Variants in PDE10A observed in about 807,000 individuals in gnomAD.
The protein encoded by PDE10A is cAMP and cAMP-inhibited cGMP 3',5'-cyclic phosphodiesterase 10A.
PDE10A carries 39 observed loss-of-function variants against 97.7 expected under a neutral mutation model. That is an observed-to-expected ratio of 0.40 (90% CI 0.31 to 0.52). The LOEUF (loss-of-function observed/expected upper bound fraction) is 0.52, where lower values mean the gene tolerates loss of function less well. Ranked by LOEUF, PDE10A falls within the 20% of genes least tolerant of loss-of-function variation. PDE10A has a pLI of 0.56. For synonymous variants in PDE10A, 371 were observed against 376.8 expected (o/e 0.98, Z 0.18); for missense variants, 731 against 1,047.8 (o/e 0.70, Z 4.17).
intron 2 of PDE10A, among the ~76,000 whole-genome samples, chr6:165,514,170 A>G (rs73786619): frequency 0.016 from 2,401 of 152,274 alleles, 60 homozygotes; most frequent in African/African-American, 0.055. Flanking sequence ...TATTTTTTAC[A>G]TATTACATTG....
At chr6:165,908,562 G>A (rs1174165536) in intron 1 of PDE10A, among the ~76,000 whole-genome samples, 4 of 152,212 alleles carry the variant, frequency 2.6e-5, no homozygotes, top group Non-Finnish European at 4.4e-5. Context: ...TGCACGGGCT[G>A]CATGCGATAA....
intron 18 of PDE10A, among the ~76,000 whole-genome samples, chr6:165,375,981 C>G (rs963761105): frequency 1.3e-5 from 2 of 152,196 alleles, no homozygotes; most frequent in African/African-American, 4.8e-5. Flanking sequence ...CCAAGTCACT[C>G]AAGAGCTCTG....
At chr6:165,777,751 A>AAC (rs1385669269) in intron 1 of PDE10A, among the ~76,000 whole-genome samples, 1 of 152,186 alleles carries the variant, frequency 6.6e-6, no homozygotes, top group African/African-American at 2.4e-5. Flanking sequence ...ATCTACATCT[A>AAC]ACACACAGAG....
intron 15 of PDE10A, 40 bp downstream of exon 15, chr6:165,395,141 A>T (rs491522): frequency 7.9e-7 from 1 of 1,273,716 alleles, no homozygotes; most frequent in Admixed American, 1.7e-5. Context: ...AGGTTATGTC[A>T]CCCAATATTT....
At chr6:165,588,212 GA>G (rs773434046) in intron 1 of PDE10A, among the ~76,000 whole-genome samples, 1 of 147,802 alleles carries the variant, frequency 6.8e-6, no homozygotes, top group Non-Finnish European at 1.5e-5. Context: ...CTTAATATTA[GA>G]AAAAAATTAT....
At position 165,428,676 on chromosome 6, in the gene PDE10A, A is replaced by T; in HGVS notation, c.1635T>A (p.Ser545=). ...TYFDNIVAID[S]LLEHIMIYAK... ...AACCTACCATTATGTGTTCAAGTAG[A>T]GAATCTATTGCAACTATGTTATCAA... Residue 545 remains serine (S), a synonymous_variant, in exon 10 of 22, where the codon TCT becomes TCA. Coordinates refer to ENST00000539869, the MANE Select transcript of PDE10A (RefSeq NM_001385079.1). The T allele has an allele frequency of 7.3e-7, 1 of 1,363,990 alleles. No individual in the cohort carries two copies. The allele number at this position is 1,363,990 out of a possible 1,614,324, so 84.5% of individuals were successfully genotyped here. A position where few individuals can be genotyped will look rare whatever the true frequency, so the allele number is the denominator to read the frequency against.
chr6:165,691,569 A>G (rs1317884271), intron 1 of PDE10A, among the ~76,000 whole-genome samples: 1 of 138,716 alleles, frequency 7.2e-6, no homozygotes, highest in African/African-American at 2.7e-5. Flanking sequence ...ACACGTGCCC[A>G]TGCGCACGCA....
intron 1 of PDE10A, among the ~76,000 whole-genome samples, chr6:165,613,930 C>T (rs1348304227): frequency 2.6e-5 from 4 of 152,108 alleles, no homozygotes; most frequent in Middle Eastern, 3.2e-3. Context: ...TTCCTTCCTT[C>T]TCCATTCCCC....
At chr6:165,371,693 T>C (rs1018878391) in intron 18 of PDE10A, among the ~76,000 whole-genome samples, 21 of 152,008 alleles carry the variant, frequency 1.4e-4, no homozygotes, top group African/African-American at 5.1e-4. Context: ...TTCCAATCAA[T>C]AGAAAAAGAG....
chr6:165,557,917 C>A (rs989789673), intron 1 of PDE10A, among the ~76,000 whole-genome samples: 1 of 152,196 alleles, frequency 6.6e-6, no homozygotes, highest in Non-Finnish European at 1.5e-5. Context: ...TGAAGTATAG[C>A]TGACGTGATT....
chr6:165,852,096 C>G (rs1048527380), intron 1 of PDE10A, among the ~76,000 whole-genome samples: 1 of 152,178 alleles, frequency 6.6e-6, no homozygotes, highest in African/African-American at 2.4e-5. Context: ...GCCTTTCCCC[C>G]CTTTCTCTTT....
chr6:165,803,021 G>A (rs763815662), intron 1 of PDE10A, among the ~76,000 whole-genome samples: 9 of 152,158 alleles, frequency 5.9e-5, no homozygotes, highest in Non-Finnish European at 1.2e-4. Context: ...TGCAGATACC[G>A]TGGTGTCTGA....
Position 165,855,736 on chromosome 6 carries a change from C to T in PDE10A, c.-615+131793G>A, listed in dbSNP as rs1304399897. 2.6e-5 allele frequency among the ~76,000 whole-genome samples: 4 copies of T among 151,888 alleles called. No homozygotes were observed. In the East Asian group the frequency reaches 5.8e-4, roughly 22 times the overall value. ...ACACCTAAAACTTTCAAACGGACACCGAGGAGCCCGCAACGGGTGAGCCTT... is the reference window on the plus strand; with the variant it reads ...ACACCTAAAACTTTCAAACGGACACTGAGGAGCCCGCAACGGGTGAGCCTT... On this transcript the variant is annotated intron_variant, in intron 1 of 19. Coordinates refer to the PDE10A transcript ENST00000366882.
At position 165,813,608 on chromosome 6, in the gene PDE10A, A is replaced by G. The variant is rs559020332; in HGVS notation, c.-615+173921T>C. Among the ~76,000 whole-genome samples, 11 of 152,330 alleles carry G rather than the reference A, an allele frequency of 7.2e-5. No individual in the cohort carries two copies. The East Asian group carries it at 1.4e-3, about 19-fold the overall frequency. On this transcript the variant is annotated intron_variant, in intron 1 of 19. Transcript: ENST00000366882. ...GACAATGCATCCGAAGACAATCTGT[A>G]AACGGTAAGGTAATATATAAATCTG...
intron 2 of PDE10A, among the ~76,000 whole-genome samples, chr6:165,489,065 C>T (rs776472650): frequency 6.6e-5 from 10 of 152,128 alleles, no homozygotes; most frequent in Non-Finnish European, 1.3e-4. Context: ...GACCCTAGGG[C>T]GAGCTTGTCT....
In PDE10A at chr6:165,984,771, GA is replaced by G. The variant is rs563891333; in HGVS notation, c.-615+2757del. On this transcript the variant is annotated intron_variant, in intron 1 of 19. Transcript: ENST00000366882. ...TGATCTAAAATCATAACTGAGCAGA[GA>G]AAGTCAAAGCCTGCAGTTACTGAAA... 1.9e-3 allele frequency among the ~76,000 whole-genome samples: 286 copies of G among 152,288 alleles called. 8 individuals carry two copies. In the South Asian group the frequency reaches 0.057, roughly 30 times the overall value.
At position 165,342,835 on chromosome 6, in the gene PDE10A, A is replaced by G. The variant is rs559802617; in HGVS notation, c.2895+556T>C. ...ACAATGCACATCACTGATAAATTAG[A>G]TAAGTCAGTCAAGAAAAGGCGTTAA... On this transcript the variant is annotated intron_variant, in intron 19 of 21. Transcript: ENST00000539869. 3.3e-5 allele frequency among the ~76,000 whole-genome samples: 5 copies of G among 152,346 alleles called. No homozygotes were observed. In the East Asian group the frequency reaches 9.6e-4, roughly 29 times the overall value.
intron 13 of PDE10A, among the ~76,000 whole-genome samples, chr6:165,407,754 T>C (rs1416501935): frequency 6.6e-6 from 1 of 152,240 alleles, no homozygotes; most frequent in African/African-American, 2.4e-5. Context: ...AAGCAAAAGA[T>C]GTAACTGATA....
chr6:165,700,776 G>C (rs1488585397), intron 1 of PDE10A, among the ~76,000 whole-genome samples: 1 of 152,196 alleles, frequency 6.6e-6, no homozygotes, highest in Non-Finnish European at 1.5e-5. Context: ...TCACTAGGCG[G>C]TCCTCCAGAG....
Sources: gnomAD v4.1 joint callset for allele counts (sites outside exome capture counted in the v4.1 genomes callset) on GRCh38, gnomAD v4.1.1 for gene constraint, MANE v1.5 for transcripts, NCBI Gene and HGNC (gene_info 2026-07-23, HGNC 2026-07-21) for gene names.